The following SHANK2 variants were observed in gnomAD, a reference collection of about 807,000 sequenced individuals.
SHANK2 encodes SH3 and multiple ankyrin repeat domains 2, also known as SH3 and multiple ankyrin repeat domains protein 2.
SHANK2 carries 43 observed loss-of-function variants against 133.7 expected under a neutral mutation model. The ratio of observed to expected loss-of-function variants is 0.32; its 90% confidence interval spans 0.25 to 0.41. The LOEUF (loss-of-function observed/expected upper bound fraction) is 0.41, where lower values mean the gene tolerates loss of function less well. Among genes scored for constraint, SHANK2 ranks in the 10% least tolerant of loss-of-function variants. The pLI, the probability that SHANK2 is intolerant of heterozygous loss-of-function variation, is 1.00. For synonymous variants in SHANK2, 1,017 were observed against 952.8 expected, an observed-to-expected ratio of 1.07 and a Z score of -1.24; for missense variants, 1,994 against 2,235.8, an observed-to-expected ratio of 0.89 and a Z score of 2.18.
At chr11:70,908,815 A>G (rs7927376) in intron 10 of SHANK2, among the ~76,000 whole-genome samples, 99,198 of 152,118 alleles carry the variant, frequency 0.65, 36,066 homozygotes, top group Non-Finnish European at 0.79. Context: ...AATCAACATC[A>G]ACGTCAAACC....
At chr11:70,716,901 C>CCA (rs1555027438) in intron 14 of SHANK2, among the ~76,000 whole-genome samples, 7 of 149,524 alleles carry the variant, frequency 4.7e-5, no homozygotes, top group African/African-American at 1.7e-4. Context: ...CGGAGCCCCC[C>CCA]CCCCGCCCAA....
intron 17 of SHANK2, among the ~76,000 whole-genome samples, chr11:70,524,176 A>G (rs1019686574): frequency 2.7e-4 from 41 of 152,178 alleles, no homozygotes; most frequent in African/African-American, 9.7e-4. Context: ...GCTACAGCGG[A>G]GCCCTGGGTC....
chr11:70,587,387 G>A (rs1354648736), intron 17 of SHANK2, among the ~76,000 whole-genome samples: 4 of 152,208 alleles, frequency 2.6e-5, no homozygotes, highest in Admixed American at 1.3e-4. Context: ...AAAGGAGCCT[G>A]TCGCGGCACC....
intron 9 of SHANK2, among the ~76,000 whole-genome samples, chr11:71,069,412 CCATCACCACCTTCAT>C (rs1434632744): frequency 2.0e-5 from 3 of 151,928 alleles, no homozygotes; most frequent in Non-Finnish European, 2.9e-5. Context: ...ATCAGCCTCA[CCATCACCACCTTCAT>C]CATCACCACC....
At chr11:70,710,516 C>T (rs1555025869) in intron 14 of SHANK2, among the ~76,000 whole-genome samples, 1 of 152,334 alleles carries the variant, frequency 6.6e-6, no homozygotes, top group Admixed American at 6.5e-5. Flanking sequence ...CGCCCCCTGG[C>T]ATCACCCCCA....
chr11:70,670,639 G>A (rs1206783455), intron 15 of SHANK2, among the ~76,000 whole-genome samples: 2 of 152,250 alleles, frequency 1.3e-5, no homozygotes, highest in Non-Finnish European at 2.9e-5. Context: ...CCAGCATCCT[G>A]CTTCCTGGTC....
chr11:71,114,329 G>A, intron 4 of SHANK2, among the ~76,000 whole-genome samples: 1 of 151,804 alleles, frequency 6.6e-6, no homozygotes, highest in Non-Finnish European at 1.5e-5. Context: ...TTACACATGT[G>A]CTCAGAGCCA....
At chr11:70,623,245 A>C (rs1591663090) in intron 17 of SHANK2, among the ~76,000 whole-genome samples, 1 of 149,816 alleles carries the variant, frequency 6.7e-6, no homozygotes. Context: ...CCCTTCCCGC[A>C]CTTGGGTGCA....
At position 70,509,171 on chromosome 11, in the gene SHANK2, G is replaced by A. The variant is rs1423304723; in HGVS notation, c.2062-6240C>T. On this transcript the variant is annotated intron_variant, in intron 17 of 25. Transcript: ENST00000601538. ...TGGTCACCAGGCCTGTGCCTTGCCC[G>A]GCCTTCTTGGTTACCACCCTGAGGA... Among the ~76,000 whole-genome samples, 7 of 152,294 alleles carry A rather than the reference G, an allele frequency of 4.6e-5. No individual in the cohort carries two copies. The South Asian group carries it at 6.2e-4, about 14-fold the overall frequency.
chr11:70,803,588 T>G (rs1314937762), intron 13 of SHANK2, among the ~76,000 whole-genome samples: 4 of 151,888 alleles, frequency 2.6e-5, no homozygotes, highest in South Asian at 2.1e-4. Context: ...ATTCTGCAGA[T>G]GTAGGGATGG....
chr11:70,613,054 T>C (rs1466295032), intron 17 of SHANK2, among the ~76,000 whole-genome samples: 1 of 152,172 alleles, frequency 6.6e-6, no homozygotes, highest in Non-Finnish European at 1.5e-5. Context: ...TTCTCGTGTG[T>C]GTCTCCTGGC....
intron 14 of SHANK2, among the ~76,000 whole-genome samples, chr11:70,735,393 C>G (rs1210182622): frequency 1.3e-5 from 2 of 152,134 alleles, no homozygotes; most frequent in Admixed American, 6.5e-5. Context: ...CGCAAGCCAG[C>G]CTCACCCAGC....
chr11:70,572,226 C>A lies in SHANK2; in HGVS notation c.2062-69295G>T, dbSNP rs782680009. Reference sequence around the variant, plus strand: ...CCAGGCTGGAGTGCAGTGGCACGATCTCGGCTCACTGCAACGTCCACCTCC... The same window carrying A: ...CCAGGCTGGAGTGCAGTGGCACGATATCGGCTCACTGCAACGTCCACCTCC... On this transcript the variant is annotated intron_variant, in intron 17 of 25. Coordinates refer to ENST00000601538, the MANE Select transcript of SHANK2 (RefSeq NM_012309.5). 1.1e-3 allele frequency among the ~76,000 whole-genome samples: 166 copies of A among 152,364 alleles called. 1 individual carries two copies. The highest frequency in any genetic ancestry group is 1.7e-3 in the Non-Finnish European group (116 of 68,038).
At chr11:70,728,971 G>A (rs944180711) in intron 14 of SHANK2, among the ~76,000 whole-genome samples, 9 of 152,084 alleles carry the variant, frequency 5.9e-5, no homozygotes, top group African/African-American at 1.7e-4. Flanking sequence ...TTGGGAGGCC[G>A]AGGTGGGTGG....
chr11:70,496,171 G>A lies in SHANK2; in HGVS notation c.2309-3706C>T, dbSNP rs542831361. On this transcript the variant is annotated intron_variant, in intron 21 of 25. Transcript: ENST00000601538. ...GGCTGTGGCCAGGCTCTGCTGTGCTGTTGGCCATGTCTGGGCACATCAAGG... is the reference window on the plus strand; with the variant it reads ...GGCTGTGGCCAGGCTCTGCTGTGCTATTGGCCATGTCTGGGCACATCAAGG... Among the ~76,000 whole-genome samples the A allele has an allele frequency of 9.9e-4, 150 of 152,224 alleles. 1 individual carries two copies. Among genetic ancestry groups the A allele is most frequent in the South Asian group, 1.5e-3 (7 of 4,824 alleles).
chr11:70,550,800 C>T (rs1278607520), intron 17 of SHANK2, among the ~76,000 whole-genome samples: 1 of 152,190 alleles, frequency 6.6e-6, no homozygotes, highest in African/African-American at 2.4e-5. Context: ...AATCTCAGGG[C>T]AGGACAAGCT....
intron 10 of SHANK2, among the ~76,000 whole-genome samples, chr11:70,931,263 A>T (rs1412252468): frequency 2.0e-5 from 3 of 152,208 alleles, no homozygotes; most frequent in Non-Finnish European, 2.9e-5. Flanking sequence ...TGAGGTGATG[A>T]AAATGTTCTA....
chr11:70,803,607 G>C (rs955956476), intron 13 of SHANK2, among the ~76,000 whole-genome samples: 4 of 152,008 alleles, frequency 2.6e-5, no homozygotes, highest in Non-Finnish European at 4.4e-5. Context: ...GGATGGCCAG[G>C]AGATCTGCAC....
chr11:71,080,729 G>A (rs1003764374), intron 8 of SHANK2, among the ~76,000 whole-genome samples: 128 of 152,308 alleles, frequency 8.4e-4, no homozygotes, highest in Middle Eastern at 3.4e-3. Context: ...TGGGCTGCCC[G>A]TCAGTAGAGA....
Sources: allele counts gnomAD v4.1 joint callset (sites outside exome capture counted in the v4.1 genomes callset), GRCh38; gene constraint gnomAD v4.1.1; transcripts MANE v1.5; gene names NCBI Gene and HGNC (gene_info 2026-07-23, HGNC 2026-07-21).